Variants in KCNH5 observed in about 807,000 individuals in gnomAD.
KCNH5 encodes the protein potassium voltage-gated channel subfamily H member 5, also known as voltage-gated delayed rectifier potassium channel KCNH5.
KCNH5 carries 46 observed loss-of-function variants against 96.1 expected under a neutral mutation model. That is an observed-to-expected ratio of 0.48 (90% CI 0.38 to 0.61). The LOEUF (loss-of-function observed/expected upper bound fraction) is 0.61. Ranked by LOEUF, KCNH5 falls within the 20% of genes least tolerant of loss-of-function variation. KCNH5 has a pLI of 0.00. For missense variants in KCNH5, 907 were observed against 1,225.8 expected, an observed-to-expected ratio of 0.74 and a Z score of 3.88; for synonymous variants, 439 against 449.8, an observed-to-expected ratio of 0.98 and a Z score of 0.30.
chr14:62,750,029 A>G (rs1011602379), intron 10 of KCNH5, among the ~76,000 whole-genome samples: 1 of 152,124 alleles, frequency 6.6e-6, no homozygotes, highest in African/African-American at 2.4e-5. Flanking sequence ...TCCAACCCCA[A>G]CTGGTAAAGG....
intron 10 of KCNH5, among the ~76,000 whole-genome samples, chr14:62,712,051 G>A (rs1884581971): frequency 6.6e-6 from 1 of 152,150 alleles, no homozygotes; most frequent in Non-Finnish European, 1.5e-5. Context: ...AGCCCAGTGA[G>A]AGGAGAAGCA....
rs1366860520 is a variant in KCNH5, at chr14:62,779,941, G to C, written c.1823-17C>G. On this transcript the variant is annotated splice_polypyrimidine_tract_variant and intron_variant, in intron 9 of 10. Coordinates refer to ENST00000322893, the MANE Select transcript of KCNH5 (RefSeq NM_139318.5). The stretch of plus-strand genomic sequence containing the variant: ...CACCCTTCCCTAGAAAACAGTATAA[G>C]ATACATATTCAAGTATCTAACACTG... The C allele has an allele frequency of 2.5e-6, 4 of 1,595,532 alleles. No individual in the cohort carries two copies. In the African/African-American group the frequency reaches 5.4e-5, roughly 21 times the overall value.
intron 8 of KCNH5, among the ~76,000 whole-genome samples, chr14:62,845,897 A>T (rs1282036244): frequency 1.3e-5 from 2 of 152,184 alleles, no homozygotes; most frequent in Non-Finnish European, 2.9e-5. Context: ...GGTTTAAAGT[A>T]ATGAGACTGC....
intron 1 of KCNH5, among the ~76,000 whole-genome samples, chr14:63,023,471 T>C (rs1891467711): frequency 6.6e-6 from 1 of 152,210 alleles, no homozygotes; most frequent in South Asian, 2.1e-4. Flanking sequence ...AACTTTGTCT[T>C]TTCATATAAA....
chr14:63,004,884 G>A (rs1891096807), intron 3 of KCNH5, among the ~76,000 whole-genome samples: 1 of 152,134 alleles, frequency 6.6e-6, no homozygotes, highest in Non-Finnish European at 1.5e-5. Flanking sequence ...TCAGGCAAAT[G>A]TTTGTTTATT....
chr14:62,779,198 C>T (rs1886157795), intron 10 of KCNH5, among the ~76,000 whole-genome samples: 1 of 152,186 alleles, frequency 6.6e-6, no homozygotes, highest in African/African-American at 2.4e-5. Context: ...AAATGTGCAG[C>T]AGCAGTGTAA....
chr14:62,817,078 ATATATAT>A (rs1157688936), intron 8 of KCNH5, among the ~76,000 whole-genome samples: 6 of 138,444 alleles, frequency 4.3e-5, no homozygotes, highest in East Asian at 4.1e-4. Flanking sequence ...GTGTATCTAT[ATATATAT>A]TATATATTAT....
At chr14:62,958,452 T>A (rs2140136499) in intron 6 of KCNH5, among the ~76,000 whole-genome samples, 1 of 152,250 alleles carries the variant, frequency 6.6e-6, no homozygotes, top group East Asian at 1.9e-4. Context: ...ATCTAAAATT[T>A]GTTATATTCC....
In KCNH5 at chr14:62,931,476, T is replaced by A. The variant is rs1186491277; in HGVS notation, c.1369+18657A>T. On this transcript the variant is annotated intron_variant, in intron 7 of 10. Coordinates refer to ENST00000322893, the MANE Select transcript of KCNH5 (RefSeq NM_139318.5). ...ACTCCACAAAATAACAGTAAATGGA[T>A]TGCGTAAAGCCATAAAGCCACAAGA... Among the ~76,000 whole-genome samples, 3 of 152,060 alleles carry A rather than the reference T, an allele frequency of 2.0e-5. No individual in the cohort carries two copies. The East Asian group carries it at 5.8e-4, about 29-fold the overall frequency.
intron 8 of KCNH5, among the ~76,000 whole-genome samples, chr14:62,829,393 T>C (rs1279068238): frequency 6.6e-6 from 1 of 152,218 alleles, no homozygotes; most frequent in Non-Finnish European, 1.5e-5. Context: ...GCTCCACCCC[T>C]GCAGCAGGCT....
intron 4 of KCNH5, among the ~76,000 whole-genome samples, chr14:62,989,085 T>C (rs1890763381): frequency 1.3e-5 from 2 of 151,974 alleles, no homozygotes; most frequent in South Asian, 2.1e-4. Context: ...TCAATAAATA[T>C]CTCTCAAATT....
chr14:62,903,979 T>G (rs1168321300), intron 7 of KCNH5, among the ~76,000 whole-genome samples: 1 of 152,130 alleles, frequency 6.6e-6, no homozygotes, highest in Non-Finnish European at 1.5e-5. Context: ...AATATCATTT[T>G]TACATATTTC....
intron 1 of KCNH5, among the ~76,000 whole-genome samples, chr14:63,021,372 TA>T (rs1365375134): frequency 6.6e-6 from 1 of 152,198 alleles, no homozygotes; most frequent in Admixed American, 6.5e-5. Flanking sequence ...CCATTGTTCC[TA>T]AAGTCTATAC....
chr14:62,771,013 CTT>C (rs956604495), intron 10 of KCNH5, among the ~76,000 whole-genome samples: 19 of 152,040 alleles, frequency 1.2e-4, no homozygotes, highest in African/African-American at 4.6e-4. Context: ...GGACTTGTGT[CTT>C]TATAACAAGA....
chr14:62,917,355 T>G lies in KCNH5; in HGVS notation c.1369+32778A>C, dbSNP rs762099783. ...TAAAAGGCAGAAATGGTTTGTTAGG[T>G]TTTTTTTTTTTTTTTGCTTTATCTC... is the stretch of plus-strand genomic sequence containing the variant. On this transcript the variant is annotated intron_variant, in intron 7 of 10. Coordinates refer to ENST00000322893, the MANE Select transcript of KCNH5 (RefSeq NM_139318.5). Among the ~76,000 whole-genome samples, 139 of 88,442 alleles carry G rather than the reference T, an allele frequency of 1.6e-3. 1 individual carries two copies. Among genetic ancestry groups the G allele is most frequent in the Non-Finnish European group, 2.5e-3 (118 of 47,760 alleles). 58.0% of individuals were successfully genotyped at this position (88,442 alleles called of 152,430 possible). A position where few individuals can be genotyped will look rare whatever the true frequency, so the allele number is the denominator to read the frequency against.
chr14:62,834,924 A>T (rs898670766), intron 8 of KCNH5, among the ~76,000 whole-genome samples: 6 of 151,928 alleles, frequency 3.9e-5, no homozygotes, highest in African/African-American at 1.4e-4. Context: ...TAACCCATAA[A>T]AGCTAAACTG....
intron 6 of KCNH5, among the ~76,000 whole-genome samples, chr14:62,956,635 G>T (rs1197792957): frequency 6.6e-6 from 1 of 151,362 alleles, no homozygotes; most frequent in Non-Finnish European, 1.5e-5. Context: ...TGGGGGCGGG[G>T]GGGGGCAGGG....
intron 8 of KCNH5, among the ~76,000 whole-genome samples, chr14:62,831,731 T>A (rs1887353994): frequency 6.6e-6 from 1 of 152,224 alleles, no homozygotes; most frequent in Non-Finnish European, 1.5e-5. Context: ...TTTTTTGAGA[T>A]ACAATCTCAC....
intron 8 of KCNH5, among the ~76,000 whole-genome samples, chr14:62,829,979 G>C (rs1887309064): frequency 6.6e-6 from 1 of 152,148 alleles, no homozygotes; most frequent in African/African-American, 2.4e-5. Flanking sequence ...GTCACGTCTT[G>C]AATGCTTTGC....
Sources: allele counts gnomAD v4.1 joint callset (sites outside exome capture counted in the v4.1 genomes callset), GRCh38; gene constraint gnomAD v4.1.1; transcripts MANE v1.5; gene names NCBI Gene and HGNC (gene_info 2026-07-23, HGNC 2026-07-21).